CDH13: variants seen among roughly 807,000 people sequenced by gnomAD.
CDH13 encodes cadherin-13.
CDH13 carries 24 observed loss-of-function variants against 63.8 expected under a neutral mutation model. The ratio of observed to expected loss-of-function variants is 0.38; its 90% confidence interval spans 0.27 to 0.53. The LOEUF is 0.53. Among genes scored for constraint, CDH13 ranks in the 20% least tolerant of loss-of-function variants. The probability of loss-of-function intolerance (pLI) is 0.85; values close to 1 mark genes in which losing one functional copy is unlikely to be tolerated. For synonymous variants in CDH13, 503 were observed against 355.3 expected (o/e 1.42, Z -4.67); for missense variants, 1,049 against 903.1 (o/e 1.16, Z -2.07).
chr16:83,007,110 C>T (rs771436861), intron 2 of CDH13, among the ~76,000 whole-genome samples: 33 of 152,012 alleles, frequency 2.2e-4, no homozygotes, highest in Non-Finnish European at 3.8e-4. Context: ...GTGGTAGAGA[C>T]GGGGTTTCTC....
At chr16:83,033,440 G>A (rs1916561595) in intron 3 of CDH13, among the ~76,000 whole-genome samples, 3 of 152,110 alleles carry the variant, frequency 2.0e-5, no homozygotes, top group Admixed American at 2.0e-4. Flanking sequence ...GACTTTTGGT[G>A]ACTTCAGTAT....
At chr16:82,636,334 C>T (rs887323592) in intron 1 of CDH13, among the ~76,000 whole-genome samples, 6 of 151,708 alleles carry the variant, frequency 4.0e-5, no homozygotes, top group African/African-American at 1.2e-4. Context: ...GGGAGAGGCA[C>T]CTAAGGCCTG....
At position 83,678,416 on chromosome 16, in the gene CDH13, C is replaced by T; in HGVS notation, c.1493C>T (p.Thr498Ile). ...CTCTCTGTGGGCAGCGTGCTGCTGA[C>T]AGTGAATGCCACGGACCCCGACTCC... ...EDLSVGSVLLTVNATDPDSLQ... is the reference protein window; with the variant it reads ...EDLSVGSVLLIVNATDPDSLQ... Residue 498 changes from threonine to isoleucine, a missense_variant, in exon 10 of 14, where the codon ACA (threonine) becomes ATA (isoleucine). By Grantham distance (89) the Thr-to-Ile change is moderately conservative. Transcript: ENST00000567109. 6.2e-7 allele frequency: 1 copy of T among 1,614,012 alleles called. No homozygotes were observed. The highest frequency in any genetic ancestry group is 1.1e-5 in the South Asian group (1 of 91,076).
chr16:82,897,707 T>A (rs189266213), intron 2 of CDH13, among the ~76,000 whole-genome samples: 1 of 152,364 alleles, frequency 6.6e-6, no homozygotes, highest in Admixed American at 6.5e-5. Flanking sequence ...GCAAGGTGGA[T>A]AAAGACGTGG....
chr16:83,402,768 A>G (rs2091987190), intron 6 of CDH13, among the ~76,000 whole-genome samples: 1 of 152,180 alleles, frequency 6.6e-6, no homozygotes, highest in South Asian at 2.1e-4. Context: ...CATTATTAGT[A>G]TGCAATTTCA....
intron 5 of CDH13, among the ~76,000 whole-genome samples, chr16:83,339,750 C>G (rs1190318241): frequency 6.6e-6 from 1 of 152,182 alleles, no homozygotes. Flanking sequence ...CCCACCAGTG[C>G]AGGTGGCATC....
At chr16:83,786,826 A>C (rs1039384667) in intron 13 of CDH13, among the ~76,000 whole-genome samples, 10 of 152,012 alleles carry the variant, frequency 6.6e-5, no homozygotes, top group African/African-American at 2.4e-4. Flanking sequence ...GACCTCAGGT[A>C]ATCTGCCTGC....
At chr16:83,701,327 G>C (rs988461744) in intron 10 of CDH13, among the ~76,000 whole-genome samples, 2 of 152,168 alleles carry the variant, frequency 1.3e-5, no homozygotes, top group Non-Finnish European at 2.9e-5. Context: ...TCTGATGATG[G>C]ATGCAGCGCT....
chr16:83,056,365 C>G (rs535197236), intron 3 of CDH13, among the ~76,000 whole-genome samples: 1 of 151,840 alleles, frequency 6.6e-6, no homozygotes, highest in Admixed American at 6.6e-5. Context: ...CAGAATAACA[C>G]TTTGTAATAG....
chr16:82,778,083 A>G (rs919211553), intron 1 of CDH13, among the ~76,000 whole-genome samples: 9 of 152,218 alleles, frequency 5.9e-5, no homozygotes, highest in African/African-American at 2.2e-4. Context: ...GGATTACACA[A>G]GGACATGCAT....
intron 3 of CDH13, among the ~76,000 whole-genome samples, chr16:83,056,167 A>G (rs1447826559): frequency 1.3e-5 from 2 of 152,198 alleles, no homozygotes; most frequent in African/African-American, 4.8e-5. Flanking sequence ...TTCAGATACT[A>G]TTATACACAC....
chr16:83,099,706 T>C, intron 3 of CDH13, among the ~76,000 whole-genome samples: 1 of 151,710 alleles, frequency 6.6e-6, no homozygotes, highest in East Asian at 2.0e-4. Flanking sequence ...TGAACCATTC[T>C]TTGCCAATTA....
chr16:83,729,993 CAT>C (rs1425538419), intron 10 of CDH13, among the ~76,000 whole-genome samples: 6 of 152,204 alleles, frequency 3.9e-5, no homozygotes, highest in African/African-American at 1.4e-4. Flanking sequence ...GAGCCTGCCA[CAT>C]GTTTGCATGT....
intron 3 of CDH13, among the ~76,000 whole-genome samples, chr16:83,035,102 AT>A (rs996561978): frequency 1.3e-5 from 2 of 150,620 alleles, no homozygotes; most frequent in Admixed American, 6.6e-5. Context: ...GGAAAAAAAA[AT>A]AAAAAGAAAA....
At chr16:82,917,784 T>C (rs2042034085) in intron 2 of CDH13, among the ~76,000 whole-genome samples, 1 of 151,798 alleles carries the variant, frequency 6.6e-6, no homozygotes, top group South Asian at 2.1e-4. Flanking sequence ...GCTTGGTGGC[T>C]GGCGCCTGTT....
At chr16:83,325,109 G>T (rs532150247) in intron 5 of CDH13, among the ~76,000 whole-genome samples, 1 of 152,134 alleles carries the variant, frequency 6.6e-6, no homozygotes, top group African/African-American at 2.4e-5. Flanking sequence ...ATGGGATCTC[G>T]TTATTATATT....
At chr16:83,680,327 C>T (rs731258) in intron 10 of CDH13, among the ~76,000 whole-genome samples, 37,798 of 152,052 alleles carry the variant, frequency 0.25, 4,903 homozygotes, top group African/African-American at 0.33. Context: ...AGTGATCAAC[C>T]GGGATGATGT....
At chr16:82,642,688 G>A (rs1017496674) in intron 1 of CDH13, among the ~76,000 whole-genome samples, 1 of 152,154 alleles carries the variant, frequency 6.6e-6, no homozygotes, top group Non-Finnish European at 1.5e-5. Flanking sequence ...CTTTGGGGTG[G>A]GGGAATTGAG....
chr16:83,078,761 A>G (rs928699990), intron 3 of CDH13, among the ~76,000 whole-genome samples: 2 of 152,158 alleles, frequency 1.3e-5, no homozygotes, highest in Non-Finnish European at 2.9e-5. Context: ...CCAAGTGTTT[A>G]GCCTCCAGTT....
Sources: allele counts gnomAD v4.1 joint callset (sites outside exome capture counted in the v4.1 genomes callset), GRCh38; gene constraint gnomAD v4.1.1; transcripts MANE v1.5; gene names NCBI Gene and HGNC (gene_info 2026-07-23, HGNC 2026-07-21).